The following HSPG2 variants were observed in gnomAD, a reference collection of about 807,000 sequenced individuals.
HSPG2 encodes the protein heparan sulfate proteoglycan 2.
In HSPG2, 278 loss-of-function variants were observed where a neutral mutation model predicts 526.6. That is an observed-to-expected ratio of 0.53 (90% confidence interval 0.48 to 0.58). The LOEUF is 0.58. HSPG2 is among the 20% of genes least tolerant of loss of function. HSPG2 has a pLI of 0.00. For missense variants in HSPG2, 5,354 were observed against 6,099.5 expected, an observed-to-expected ratio of 0.88 and a Z score of 4.07; for synonymous variants, 2,465 against 2,555.4, an observed-to-expected ratio of 0.96 and a Z score of 1.07.
rs745495713 is a variant in HSPG2, at chr1:21,833,280, C to T, written c.11083G>A (p.Asp3695Asn). The change falls in exon 80 of 97, where the codon GAC becomes AAC. Residue 3695 changes from aspartate (D) to asparagine (N), a missense_variant. By Grantham distance (23) the Asp-to-Asn change is conservative (BLOSUM62 1). Transcript: ENST00000374695. Reference sequence around the variant, plus strand: ...CCCTCCTGCTCACCATCGGCTGAGTCGGGCCGGAAGGTGATCTTGATCTCG... The same window carrying T: ...CCCTCCTGCTCACCATCGGCTGAGTTGGGCCGGAAGGTGATCTTGATCTCG... The part of the protein sequence containing the change: ...KFEIKITFRP[D>N]SADGMLLYNG... 25 of 1,613,894 alleles carry T rather than the reference C, an allele frequency of 1.5e-5. No homozygotes were observed. Among genetic ancestry groups the T allele is most frequent in the Admixed American group, 6.7e-5 (4 of 60,010 alleles).
At position 21,880,608 on chromosome 1, in the gene HSPG2, C is replaced by T. The variant is rs1384405571; in HGVS notation, c.1998+48G>A. The T allele has an allele frequency of 3.1e-6, 5 of 1,601,896 alleles. No individual in the cohort carries two copies. The African/African-American group carries it at 5.4e-5, about 17-fold the overall frequency. On this transcript the variant is annotated intron_variant, in intron 15 of 96. Transcript: ENST00000374695. ...GGGTCACACATCAGTGCCTACCCAG[C>T]CTAAATCCCCCTTTGCTCCCAGCCC... is the stretch of plus-strand genomic sequence containing the variant.
Position 21,834,908 on chromosome 1 carries a change from C to T in HSPG2, c.10491G>A (p.Val3497=). Residue 3497 remains valine, a synonymous_variant, in exon 77 of 97, where the codon GTG becomes GTA. Coordinates refer to ENST00000374695, the MANE Select transcript of HSPG2 (RefSeq NM_005529.7). ...CGGCGTGGCCAACCACCACGGTCTG[C>T]ACAGAGGTCCGGATGTTGATGAGCA... ...PSVLINIRTS[V]QTVVVGHAVE... The T allele has an allele frequency of 1.2e-6, 2 of 1,613,686 alleles. No individual in the cohort carries two copies. Among genetic ancestry groups the T allele is most frequent in the African/African-American group, 2.7e-5 (2 of 75,054 alleles).
intron 75 of HSPG2, 24 bp from the exon 76 acceptor site, chr1:21,835,661 A>C: frequency 3.2e-6 from 5 of 1,555,314 alleles, no homozygotes; most frequent in African/African-American, 1.4e-5. Context: ...ATAATAAGAC[A>C]TCAGGGAGTT....
intron 1 of HSPG2, among the ~76,000 whole-genome samples, chr1:21,931,574 T>C (rs1404274021): frequency 1.3e-5 from 2 of 152,068 alleles, no homozygotes; most frequent in Non-Finnish European, 2.9e-5. Flanking sequence ...CCTCCTCCAG[T>C]CTGACCCCTC....
In HSPG2 at chr1:21,874,615, C is replaced by G; in HGVS notation, c.3528+1G>C. ...GTGGGCGGAAGGAGGGCGGGACTTA[C>G]CTGGCAGGCACCTGTTTCTGGCTCG... is the stretch of plus-strand genomic sequence containing the variant. On this transcript the variant is annotated splice_donor_variant, in intron 27 of 96. Transcript: ENST00000374695. LOFTEE classifies it high-confidence loss of function. 6.2e-7 allele frequency: 1 copy of G among 1,613,946 alleles called. No individual in the cohort carries two copies.
In HSPG2 at chr1:21,895,698, C is replaced by G. The variant is rs1349162966; in HGVS notation, c.244+224G>C. Among the ~76,000 whole-genome samples, 1 of 152,226 alleles carries G rather than the reference C, an allele frequency of 6.6e-6. No homozygotes were observed. Among genetic ancestry groups the G allele is most frequent in the Admixed American group, 6.5e-5 (1 of 15,286 alleles). On this transcript the variant is annotated intron_variant, in intron 3 of 96. Coordinates refer to ENST00000374695, the MANE Select transcript of HSPG2 (RefSeq NM_005529.7). The surrounding 1 kb of genome is among the most constrained non-coding windows in gnomAD (Gnocchi z 4.1). ...GCTTTACCTGCCCAGTGCCCTGATACCTGTGCCTGTGGCATGGGCAAGCAC... is the reference window on the plus strand; with the variant it reads ...GCTTTACCTGCCCAGTGCCCTGATAGCTGTGCCTGTGGCATGGGCAAGCAC...
At chr1:21,849,937 CA>C in intron 57 of HSPG2, 103 bp downstream of exon 57, 5 of 1,449,946 alleles carry the variant, frequency 3.4e-6, no homozygotes, top group Non-Finnish European at 4.8e-6. Flanking sequence ...CTTGGCCTCC[CA>C]AAGTGCCGGG....
At chr1:21,867,064 T>A (rs1396460421) in intron 33 of HSPG2, among the ~76,000 whole-genome samples, 1 of 87,814 alleles carries the variant, frequency 1.1e-5, no homozygotes, top group Non-Finnish European at 2.2e-5. Flanking sequence ...TTTTTTATTT[T>A]TTTTTTCACC....
At chr1:21,920,010 G>A (rs1171188160) in intron 1 of HSPG2, among the ~76,000 whole-genome samples, 3 of 152,174 alleles carry the variant, frequency 2.0e-5, no homozygotes, top group Admixed American at 6.5e-5. Flanking sequence ...GGGTTCAAGC[G>A]ATTCTACTGC....
chr1:21,935,272 A>G (rs1217993053), intron 1 of HSPG2, among the ~76,000 whole-genome samples: 1 of 152,228 alleles, frequency 6.6e-6, no homozygotes, highest in Non-Finnish European at 1.5e-5. Flanking sequence ...GCCCACCACC[A>G]GCAGCCTGGG....
chr1:21,844,200 T>TGGGCCTGCCCGG lies in HSPG2; in HGVS notation c.8552_8563dup (p.Pro2851_Ala2854dup), dbSNP rs1638235797. 1 of 1,613,654 alleles carries TGGGCCTGCCCGG rather than the reference T, an allele frequency of 6.2e-7. No homozygotes were observed. Among genetic ancestry groups the TGGGCCTGCCCGG allele is most frequent in the African/African-American group, 1.3e-5 (1 of 74,936 alleles). ...ACGCTTGTGCCACGTGACCTGGGCG[T>TGGGCCTGCCCGG]GGGCCTGCCCGGGCACCACGCACTT... On this transcript the variant is annotated inframe_insertion, in exon 65 of 97. Transcript: ENST00000374695.
At chr1:21,838,406 C>T (rs570095360) in intron 74 of HSPG2, among the ~76,000 whole-genome samples, 3 of 152,344 alleles carry the variant, frequency 2.0e-5, no homozygotes, top group Non-Finnish European at 2.9e-5. Context: ...GTGGGTGCTC[C>T]TGTCACTCAT....
At position 21,880,171 on chromosome 1, in the gene HSPG2, G is replaced by A. The variant is rs568207595; in HGVS notation, c.2279C>T (p.Thr760Ile). The A allele has an allele frequency of 6.8e-6, 11 of 1,614,102 alleles. No individual in the cohort carries two copies. The highest frequency in any genetic ancestry group is 3.3e-5 in the Admixed American group (2 of 60,024). The change falls in exon 17 of 97, where the codon ACC becomes ATC. Residue 760 changes from threonine (T) to isoleucine (I), a missense_variant. Transcript: ENST00000374695. ...GCCATTGCAATTGCAACCAGAGCAGGTGCCCAGGTAGGGCCCACCAGGCAC... is the reference window on the plus strand; with the variant it reads ...GCCATTGCAATTGCAACCAGAGCAGATGCCCAGGTAGGGCCCACCAGGCAC... ...TRVPGGPYLG[T>I]CSGCNCNGHA...
chr1:21,869,978 C>G (rs1298360859), intron 33 of HSPG2, among the ~76,000 whole-genome samples: 2 of 152,194 alleles, frequency 1.3e-5, no homozygotes, highest in African/African-American at 2.4e-5. Context: ...GGTTGTTGCT[C>G]CTCGGCCTGA....
At chr1:21,880,875 A>C in intron 14 of HSPG2, 40 bp from the exon 15 acceptor site, 2 of 1,553,756 alleles carry the variant, frequency 1.3e-6, no homozygotes, top group African/African-American at 1.4e-5. Flanking sequence ...AGCTGTGGGC[A>C]CACTTGACAC....
intron 80 of HSPG2, 53 bp downstream of exon 80, chr1:21,833,215 C>T (rs375165089): frequency 6.3e-5 from 90 of 1,418,918 alleles, no homozygotes; most frequent in South Asian, 9.2e-5. Context: ...AGTTACTCCA[C>T]GAGGTCCCTC....
In HSPG2 at chr1:21,893,030, G is replaced by A. The variant is rs555011478; in HGVS notation, c.245-2336C>T. Among the ~76,000 whole-genome samples the A allele has an allele frequency of 4.6e-5, 7 of 152,220 alleles. 1 individual carries two copies. In the South Asian group the frequency reaches 1.2e-3, roughly 27 times the overall value. ...GTGAGTTCCCTTGGAGCCAGAGGCC[G>A]GGAGAGGGAGACAGCTGCCCTGCAC... On this transcript the variant is annotated intron_variant, in intron 3 of 96. Transcript: ENST00000374695. This position sits in a 1 kb window ranked among gnomAD's most constrained non-coding sequence, Gnocchi z 4.3.
At position 21,850,069 on chromosome 1, in the gene HSPG2, C is replaced by T. The variant is rs749970512; in HGVS notation, c.7418G>A (p.Arg2473His). Residue 2473 changes from arginine (R) to histidine (H), a missense_variant, in exon 57 of 97, where the codon CGC becomes CAC. Transcript: ENST00000374695. Reference protein sequence around the residue: ...QAHAQVTWHKRGGSLPARHQV... With the variant: ...QAHAQVTWHKHGGSLPARHQV... Reference sequence around the variant, plus strand: ...GTGCCGGGCCGGGAGGCTGCCCCCGCGCTTGTGCCACGTGACCTGGGCATG... The same window carrying T: ...GTGCCGGGCCGGGAGGCTGCCCCCGTGCTTGTGCCACGTGACCTGGGCATG... 4.2e-5 allele frequency: 68 copies of T among 1,613,336 alleles called. No individual in the cohort carries two copies. In the East Asian group the frequency reaches 8.5e-4, roughly 20 times the overall value.
intron 14 of HSPG2, 126 bp from the exon 15 acceptor site, chr1:21,880,961 C>T: frequency 9.8e-7 from 1 of 1,023,714 alleles, no homozygotes; most frequent in African/African-American, 1.6e-5. Flanking sequence ...GTGTGCCAGG[C>T]ACTGAGCTAG....
Sources: gnomAD v4.1 joint callset for allele counts (sites outside exome capture counted in the v4.1 genomes callset) on GRCh38, gnomAD v4.1.1 for gene constraint, Gnocchi (gnomAD v3.1) non-coding constraint, MANE v1.5 for transcripts, NCBI Gene and HGNC (gene_info 2026-07-23, HGNC 2026-07-21) for gene names.